ATXN2: variants seen among roughly 807,000 people sequenced by gnomAD.
ATXN2 encodes ataxin-2.
Under a neutral mutation model 138.6 loss-of-function variants are expected in ATXN2, and 37 were observed. That is an observed-to-expected ratio of 0.27 (90% CI 0.21 to 0.35). The LOEUF is 0.35. Among genes scored for constraint, ATXN2 ranks in the 10% least tolerant of loss-of-function variants. The probability of loss-of-function intolerance (pLI) is 1.00; values close to 1 mark genes in which losing one functional copy is unlikely to be tolerated. For synonymous variants in ATXN2, 549 were observed against 543.7 expected (o/e 1.01, Z -0.13); for missense variants, 1,216 against 1,480.3 (o/e 0.82, Z 2.93).
chr12:111,488,379 T>C, intron 15 of ATXN2, 97 bp downstream of exon 15: 1 of 1,296,622 alleles, frequency 7.7e-7, no homozygotes. Flanking sequence ...AGTCTAAAAG[T>C]CCAGATGGAT....
intron 17 of ATXN2, 143 bp from the exon 18 acceptor site, chr12:111,485,474 AC>A: frequency 1.0e-6 from 1 of 956,596 alleles, no homozygotes; most frequent in Non-Finnish European, 1.5e-6. Context: ...ATTAGATCAT[AC>A]CCACAGCTAA....
intron 1 of ATXN2, among the ~76,000 whole-genome samples, chr12:111,561,285 G>C (rs1257480906): frequency 6.6e-6 from 1 of 151,964 alleles, no homozygotes; most frequent in Non-Finnish European, 1.5e-5. Flanking sequence ...CCTGAGGTCA[G>C]AGGTTCAAGA....
chr12:111,584,461 A>G (rs1210033790), intron 1 of ATXN2, among the ~76,000 whole-genome samples: 1 of 150,304 alleles, frequency 6.7e-6, no homozygotes, highest in Admixed American at 6.7e-5. Flanking sequence ...TCCATAGGCA[A>G]TGTGCCCAGA....
chr12:111,509,801 T>G (rs1879394085), intron 13 of ATXN2, 90 bp downstream of exon 13: 2 of 1,102,544 alleles, frequency 1.8e-6, no homozygotes, highest in African/African-American at 3.2e-5. Flanking sequence ...TAAGAAGAAA[T>G]GTTGAACAAA....
At chr12:111,514,768 G>T (rs1031021653) in intron 10 of ATXN2, among the ~76,000 whole-genome samples, 5 of 152,092 alleles carry the variant, frequency 3.3e-5, no homozygotes, top group Admixed American at 2.0e-4. Context: ...GATTACAGGC[G>T]TTAGCCACCA....
chr12:111,536,100 A>G (rs1881156316), intron 5 of ATXN2, among the ~76,000 whole-genome samples: 1 of 152,184 alleles, frequency 6.6e-6, no homozygotes, highest in African/African-American at 2.4e-5. Context: ...TTTATTCTGT[A>G]AACAACAGTG....
chr12:111,507,444 G>A (rs1007053616), intron 14 of ATXN2, among the ~76,000 whole-genome samples: 30 of 152,112 alleles, frequency 2.0e-4, no homozygotes, highest in Admixed American at 5.9e-4. Context: ...CCCCGTCTGG[G>A]AAGTGAGGAG....
chr12:111,477,085 G>A (rs973759154), intron 18 of ATXN2, among the ~76,000 whole-genome samples: 1 of 151,244 alleles, frequency 6.6e-6, no homozygotes, highest in Non-Finnish European at 1.5e-5. Flanking sequence ...GCTCATGCCT[G>A]TAATCCCAGA....
At chr12:111,507,250 G>A (rs1225686992) in intron 14 of ATXN2, among the ~76,000 whole-genome samples, 1 of 151,068 alleles carries the variant, frequency 6.6e-6, no homozygotes, top group Non-Finnish European at 1.5e-5. Context: ...CGTCGTCTGA[G>A]ATGTGGGGAG....
chr12:111,488,560 T>A lies in ATXN2; in HGVS notation c.2156A>T (p.Glu719Val). The A allele has an allele frequency of 6.2e-7, 1 of 1,614,230 alleles. No individual in the cohort carries two copies. The highest frequency in any genetic ancestry group is 1.6e-4 in the Middle Eastern group (1 of 6,062). The stretch of plus-strand genomic sequence containing the variant: ...AGTCTGAACCCCTTGGGAAGTGACC[T>A]CAGGTCCCCTCTTGTGCTCCGTGTT... ...LSNTEHKRGP[E>V]VTSQGVQTSS... The change falls in exon 15 of 25, where the codon GAG (glutamate) becomes GTG (valine). Residue 719 changes from glutamate to valine, a missense_variant. Glu to Val is a moderately radical substitution (Grantham distance 121, BLOSUM62 -2). Around this residue, in one of 4 missense-constraint regions of ATXN2, gnomAD observed 490 missense variants for 653.5 expected, o/e 0.75. Coordinates refer to ENST00000673436, the MANE Select transcript of ATXN2 (RefSeq NM_001372574.1).
At chr12:111,513,669 A>T in intron 10 of ATXN2, 130 bp from the exon 11 acceptor site, 2 of 760,484 alleles carry the variant, frequency 2.6e-6, no homozygotes, top group Non-Finnish European at 3.7e-6. Flanking sequence ...TTGGTTAAAA[A>T]TAGAAAAAAA....
chr12:111,598,691 G>A lies in ATXN2; in HGVS notation c.251+93C>T. 1.2e-6 allele frequency: 1 copy of A among 854,366 alleles called. No individual in the cohort carries two copies. The highest frequency in any genetic ancestry group is 1.4e-6 in the Non-Finnish European group (1 of 694,498). 52.9% of individuals were successfully genotyped at this position (854,366 alleles called of 1,614,324 possible). On this transcript the variant is annotated intron_variant, in intron 1 of 24. Coordinates refer to ENST00000673436, the MANE Select transcript of ATXN2 (RefSeq NM_001372574.1). The surrounding 1 kb of genome is among the most constrained non-coding windows in gnomAD (Gnocchi z 4.5). ...GCCGGCCCCCAGCCCACCCCGGGTA[G>A]CCCGGCGGGTCACGGGGCGGGGACG...
Position 111,511,222 on chromosome 12 carries a change from T to C in ATXN2, c.1559-640A>G, listed in dbSNP as rs1432163154. Reference sequence around the variant, plus strand: ...CTCAGATTCAAAGGTTTAGAGAAAATGGTTCGATTATTTCATTTCAGTGTT... The same window carrying C: ...CTCAGATTCAAAGGTTTAGAGAAAACGGTTCGATTATTTCATTTCAGTGTT... On this transcript the variant is annotated intron_variant, in intron 11 of 24. Coordinates refer to ENST00000673436, the MANE Select transcript of ATXN2 (RefSeq NM_001372574.1). 6 of 151,548 alleles carry C rather than the reference T, an allele frequency of 4.0e-5. 1 individual carries two copies. Among genetic ancestry groups the C allele is most frequent in the Middle Eastern group, 6.4e-3 (2 of 312 alleles). 9.4% of individuals were successfully genotyped at this position (151,548 alleles called of 1,614,324 possible).
chr12:111,504,506 T>C (rs1394608596), intron 14 of ATXN2, among the ~76,000 whole-genome samples: 1 of 152,132 alleles, frequency 6.6e-6, no homozygotes, highest in African/African-American at 2.4e-5. Context: ...GTCAGACTGG[T>C]TTCGAACTCC....
chr12:111,548,337 TC>T (rs1474758816), intron 5 of ATXN2, among the ~76,000 whole-genome samples: 2 of 152,226 alleles, frequency 1.3e-5, no homozygotes, highest in African/African-American at 4.8e-5. Context: ...TTAGCAAGTT[TC>T]CTAAATATGC....
At chr12:111,548,982 C>T (rs1178924208) in intron 5 of ATXN2, among the ~76,000 whole-genome samples, 1 of 152,104 alleles carries the variant, frequency 6.6e-6, no homozygotes, top group Admixed American at 6.6e-5. Context: ...CTTGGTCTCC[C>T]AAAGTGAGAT....
intron 1 of ATXN2, among the ~76,000 whole-genome samples, chr12:111,581,135 CAAAAAAAA>C (rs1016431358): frequency 1.7e-5 from 1 of 57,886 alleles, no homozygotes; most frequent in African/African-American, 4.2e-5. Flanking sequence ...GACTCCATCT[CAAAAAAAA>C]AAAAAAAAAA....
At chr12:111,573,023 G>A (rs1883423458) in intron 1 of ATXN2, among the ~76,000 whole-genome samples, 1 of 151,224 alleles carries the variant, frequency 6.6e-6, no homozygotes, top group Non-Finnish European at 1.5e-5. Context: ...CATTTATGAT[G>A]TTGTTTCCAA....
chr12:111,504,533 GC>G (rs1373030851), intron 14 of ATXN2, among the ~76,000 whole-genome samples: 4 of 152,116 alleles, frequency 2.6e-5, no homozygotes, highest in Non-Finnish European at 4.4e-5. Context: ...CATGTGATCT[GC>G]CTGCTTGGGA....
Sources: gnomAD v4.1 joint callset for allele counts (sites outside exome capture counted in the v4.1 genomes callset) on GRCh38, gnomAD v4.1.1 for gene constraint, gnomAD v4.1.1 regional missense constraint, Gnocchi (gnomAD v3.1) non-coding constraint, MANE v1.5 for transcripts, NCBI Gene and HGNC (gene_info 2026-07-23, HGNC 2026-07-21) for gene names.